The following QRICH1 variants were observed in gnomAD, a reference collection of about 807,000 sequenced individuals.
The protein encoded by QRICH1 is transcriptional regulator QRICH1.
A neutral mutation model predicts 87.1 loss-of-function variants in QRICH1; 16 were observed. That is an observed-to-expected ratio of 0.18 (90% confidence interval 0.12 to 0.28). The LOEUF (loss-of-function observed/expected upper bound fraction) is 0.28. QRICH1 is among the 10% of genes least tolerant of loss of function. The probability of loss-of-function intolerance (pLI) is 1.00; values close to 1 mark genes in which losing one functional copy is unlikely to be tolerated. For synonymous variants in QRICH1, 367 were observed against 368.4 expected (o/e 1.00, Z 0.05); for missense variants, 647 against 951.7 (o/e 0.68, Z 4.21).
At chr3:49,047,321 G>A (rs2093344351) in intron 3 of QRICH1, 75 bp from the exon 4 acceptor site, 1 of 1,316,642 alleles carries the variant, frequency 7.6e-7, no homozygotes. Flanking sequence ...CCAGAAAAAT[G>A]TTATGTATAG....
At position 49,030,682 on chromosome 3, in the gene QRICH1, A is replaced by AT. The variant is rs1302974305; in HGVS notation, c.2139-39dup. The AT allele has an allele frequency of 2.0e-6, 3 of 1,485,008 alleles. No homozygotes were observed. In the East Asian group the frequency reaches 7.1e-5, roughly 35 times the overall value. 92.0% of individuals were successfully genotyped at this position (1,485,008 alleles called of 1,614,324 possible). On this transcript the variant is annotated intron_variant, in intron 9 of 9. Transcript: ENST00000395443. Reference sequence around the variant, plus strand: ...CGGATAAAAGTTGGGTACCACCAATATAACTTCAACCCTCCCACCCTGAAC... The same window carrying AT: ...CGGATAAAAGTTGGGTACCACCAATATTAACTTCAACCCTCCCACCCTGAAC...
At chr3:49,045,728 T>C (rs1482098031) in intron 5 of QRICH1, among the ~76,000 whole-genome samples, 1 of 151,860 alleles carries the variant, frequency 6.6e-6, no homozygotes, top group Non-Finnish European at 1.5e-5. Context: ...GCCTCCCAAG[T>C]AGCTGGGACT....
At chr3:49,079,667 T>C (rs910812995) in intron 1 of QRICH1, among the ~76,000 whole-genome samples, 1 of 152,116 alleles carries the variant, frequency 6.6e-6, no homozygotes, top group African/African-American at 2.4e-5. Context: ...AGAGCACTCA[T>C]TTGCCACACT....
In QRICH1 at chr3:49,032,255, G is replaced by C. The variant is rs766806091; in HGVS notation, c.2066C>G (p.Ala689Gly). 2.6e-5 allele frequency: 42 copies of C among 1,613,134 alleles called. No homozygotes were observed. The highest frequency in any genetic ancestry group is 3.6e-5 in the Non-Finnish European group (42 of 1,179,198). Reference protein sequence around the residue: ...TGQKVTDDMYAEQTENPENPL... With the variant: ...TGQKVTDDMYGEQTENPENPL... ...ATTCTCTGGATTTTCCGTCTGTTCTGCATACATGTCATCTGTAACTATAAA... is the reference window on the plus strand; with the variant it reads ...ATTCTCTGGATTTTCCGTCTGTTCTCCATACATGTCATCTGTAACTATAAA... The change falls in exon 9 of 10, where the codon GCA becomes GGA. Residue 689 changes from alanine (A) to glycine (G), a missense_variant. Coordinates refer to ENST00000395443, the MANE Select transcript of QRICH1 (RefSeq NM_198880.3).
chr3:49,063,129 G>C (rs1016561006), intron 2 of QRICH1, among the ~76,000 whole-genome samples: 1 of 152,154 alleles, frequency 6.6e-6, no homozygotes, highest in Admixed American at 6.6e-5. Context: ...AGTATAAAAG[G>C]GGAGAATGTC....
At chr3:49,046,918 CT>C in intron 4 of QRICH1, 150 bp downstream of exon 4, 1 of 981,614 alleles carries the variant, frequency 1.0e-6, no homozygotes, top group Non-Finnish European at 1.5e-6. Flanking sequence ...GTCAGTACTG[CT>C]TGTTACTAGG....
In QRICH1 at chr3:49,057,933, T is replaced by C. The variant is rs1458339568; in HGVS notation, c.310-43A>G. ...CATCAGTGAGTGAACCAGGCAGCACTGAAAATCCAGTACCCAAGGAAAGAA... is the reference window on the plus strand; with the variant it reads ...CATCAGTGAGTGAACCAGGCAGCACCGAAAATCCAGTACCCAAGGAAAGAA... On this transcript the variant is annotated intron_variant, in intron 2 of 9. Transcript: ENST00000395443. This position sits in a 1 kb window ranked among gnomAD's most constrained non-coding sequence, Gnocchi z 5.4. 2 of 1,613,526 alleles carry C rather than the reference T, an allele frequency of 1.2e-6. No individual in the cohort carries two copies. The highest frequency in any genetic ancestry group is 2.2e-5 in the East Asian group (1 of 44,860).
chr3:49,094,333 C>G (rs2042340080), upstream of QRICH1: 1 of 312,998 alleles, frequency 3.2e-6, no homozygotes, highest in South Asian at 1.6e-4. Flanking sequence ...CTCTTTGGAC[C>G]CACCTTCCGT....
At chr3:49,066,862 A>AC (rs763445347) in intron 2 of QRICH1, among the ~76,000 whole-genome samples, 3 of 151,726 alleles carry the variant, frequency 2.0e-5, no homozygotes, top group Non-Finnish European at 2.9e-5. Context: ...ACATGGTTAA[A>AC]CCCCGTCTCT....
At chr3:49,078,616 C>T (rs1186640381) in intron 1 of QRICH1, among the ~76,000 whole-genome samples, 3 of 148,852 alleles carry the variant, frequency 2.0e-5, no homozygotes, top group African/African-American at 5.0e-5. Flanking sequence ...AGGATGGTCT[C>T]GATCTCCTGA....
rs758561168 is a variant in QRICH1 at position 49,030,662 on chromosome 3, A to G, written c.2139-18T>C. 3 of 1,530,858 alleles carry G rather than the reference A, an allele frequency of 2.0e-6. No individual in the cohort carries two copies. Among genetic ancestry groups the G allele is most frequent in the Non-Finnish European group, 2.6e-6 (3 of 1,133,774 alleles). 94.8% of individuals were successfully genotyped at this position (1,530,858 alleles called of 1,614,324 possible). Reference sequence around the variant, plus strand: ...TCTGGGGGCTGAAGAATATGCGGATAAAAGTTGGGTACCACCAATATAACT... The same window carrying G: ...TCTGGGGGCTGAAGAATATGCGGATGAAAGTTGGGTACCACCAATATAACT... On this transcript the variant is annotated intron_variant, in intron 9 of 9. Coordinates refer to ENST00000395443, the MANE Select transcript of QRICH1 (RefSeq NM_198880.3).
At chr3:49,068,323 C>T (rs930765671) in intron 2 of QRICH1, among the ~76,000 whole-genome samples, 1 of 152,024 alleles carries the variant, frequency 6.6e-6, no homozygotes, top group African/African-American at 2.4e-5. Flanking sequence ...TGCCACTCTA[C>T]TCTGTAGCCT....
At chr3:49,049,111 G>C (rs1263290539) in intron 3 of QRICH1, among the ~76,000 whole-genome samples, 1 of 151,772 alleles carries the variant, frequency 6.6e-6, no homozygotes, top group East Asian at 2.0e-4. Context: ...GAACCATCTT[G>C]CTGGCTGGTA....
At chr3:49,084,252 CTTT>C (rs982223507) in intron 1 of QRICH1, among the ~76,000 whole-genome samples, 2 of 151,552 alleles carry the variant, frequency 1.3e-5, no homozygotes, top group Non-Finnish European at 2.9e-5. Flanking sequence ...AGCCTAAATT[CTTT>C]TTTATTTTTA....
At chr3:49,086,295 C>T (rs773812784) in intron 1 of QRICH1, among the ~76,000 whole-genome samples, 1 of 148,052 alleles carries the variant, frequency 6.8e-6, no homozygotes, top group African/African-American at 2.5e-5. Flanking sequence ...CTCACTCTGT[C>T]GCCCAGGCTG....
At chr3:49,079,766 C>T (rs761632192) in intron 1 of QRICH1, among the ~76,000 whole-genome samples, 9 of 152,086 alleles carry the variant, frequency 5.9e-5, no homozygotes, top group South Asian at 4.1e-4. Flanking sequence ...CGGTGGCTCA[C>T]GCCTGTAATC....
chr3:49,041,485 G>T (rs2093309485), intron 6 of QRICH1, among the ~76,000 whole-genome samples: 1 of 151,880 alleles, frequency 6.6e-6, no homozygotes, highest in South Asian at 2.1e-4. Flanking sequence ...GAGCTACCAG[G>T]CCCAGCCTAG....
intron 2 of QRICH1, among the ~76,000 whole-genome samples, chr3:49,071,892 A>T (rs2041838098): frequency 6.6e-6 from 1 of 152,134 alleles, no homozygotes; most frequent in African/African-American, 2.4e-5. Flanking sequence ...GGATTTCGCC[A>T]TGTTGCCCAG....
chr3:49,071,601 A>C (rs1011072674), intron 2 of QRICH1, among the ~76,000 whole-genome samples: 3 of 152,146 alleles, frequency 2.0e-5, no homozygotes, highest in Admixed American at 6.5e-5. Context: ...ACCTCTACTG[A>C]AAAAAGTACA....
Sources: gnomAD v4.1 joint callset for allele counts (sites outside exome capture counted in the v4.1 genomes callset) on GRCh38, gnomAD v4.1.1 for gene constraint, Gnocchi (gnomAD v3.1) non-coding constraint, MANE v1.5 for transcripts, NCBI Gene and HGNC (gene_info 2026-07-23, HGNC 2026-07-21) for gene names.